DGLUCY: variants seen among roughly 807,000 people sequenced by gnomAD.
DGLUCY encodes the protein D-glutamate cyclase, also known as D-glutamate cyclase, mitochondrial.
A neutral mutation model predicts 58.5 loss-of-function variants in DGLUCY; 58 were observed. The observed-to-expected ratio is 0.99, with a 90% CI of 0.80 to 1.23. The LOEUF is 1.23. Ranked by LOEUF, DGLUCY falls within the 50% of genes most tolerant of loss-of-function variation. The pLI, the probability that DGLUCY is intolerant of heterozygous loss-of-function variation, is 0.00. For synonymous variants in DGLUCY, 325 were observed against 314.1 expected (o/e 1.03, Z -0.37); for missense variants, 779 against 784.7 (o/e 0.99, Z 0.09).
At chr14:91,137,692 G>A (rs1018502000) in intron 1 of DGLUCY, among the ~76,000 whole-genome samples, 4 of 152,088 alleles carry the variant, frequency 2.6e-5, no homozygotes, top group African/African-American at 9.7e-5. Context: ...ACCGTACTTG[G>A]CCTGAGAATT....
chr14:91,156,153 G>T (rs1156624670), intron 1 of DGLUCY, among the ~76,000 whole-genome samples: 1 of 146,232 alleles, frequency 6.8e-6, no homozygotes, highest in Non-Finnish European at 1.5e-5. Context: ...TCGCTCTGTT[G>T]CCCAGACTGG....
In DGLUCY at chr14:91,215,496, C is replaced by CCTGA; in HGVS notation, c.1656_1657insCTGA (p.Gly553LeufsTer21). On this transcript the variant is annotated frameshift_variant, in exon 13 of 14. Coordinates refer to ENST00000256324, the MANE Select transcript of DGLUCY (RefSeq NM_001102368.3). LOFTEE classifies it high-confidence loss of function. ...ACAGTCAGTACCTGAGGAAAGCAGTCGGACCCTCCAGGGCACCTGGAGATC... is the reference window on the plus strand; with the variant it reads ...ACAGTCAGTACCTGAGGAAAGCAGTCCTGAGGACCCTCCAGGGCACCTGGAGATC... 1 of 1,614,216 alleles carries CCTGA rather than the reference C, an allele frequency of 6.2e-7. No homozygotes were observed. The highest frequency in any genetic ancestry group is 8.5e-7 in the Non-Finnish European group (1 of 1,180,034).
intron 13 of DGLUCY, among the ~76,000 whole-genome samples, chr14:91,219,428 G>A (rs1285434399): frequency 2.6e-5 from 4 of 152,206 alleles, no homozygotes; most frequent in East Asian, 3.8e-4. Context: ...AGCTAGAATC[G>A]TCACACTAGA....
At chr14:91,064,517 G>A (rs2043786597) in intron 1 of DGLUCY, among the ~76,000 whole-genome samples, 1 of 151,612 alleles carries the variant, frequency 6.6e-6, no homozygotes, top group African/African-American at 2.4e-5. Context: ...AAGCTACTCG[G>A]GAGGCTGAGG....
intron 9 of DGLUCY, among the ~76,000 whole-genome samples, chr14:91,193,104 G>A (rs1244655023): frequency 6.6e-6 from 1 of 152,168 alleles, no homozygotes; most frequent in East Asian, 1.9e-4. Context: ...GGGTCTCCCT[G>A]TGTTAAGAGG....
intron 1 of DGLUCY, among the ~76,000 whole-genome samples, chr14:91,077,774 A>G (rs1212714352): frequency 1.3e-5 from 2 of 149,124 alleles, no homozygotes; most frequent in African/African-American, 4.9e-5. Flanking sequence ...GAGAGAGAGA[A>G]AGAGAGGAAG....
chr14:91,092,059 C>G (rs1262447442), intron 1 of DGLUCY, among the ~76,000 whole-genome samples: 1 of 152,174 alleles, frequency 6.6e-6, no homozygotes, highest in Non-Finnish European at 1.5e-5. Context: ...CTGCCTCTAC[C>G]TACCTGGAGC....
chr14:91,131,638 C>G (rs1310439001), intron 1 of DGLUCY, among the ~76,000 whole-genome samples: 1 of 152,046 alleles, frequency 6.6e-6, no homozygotes, highest in Non-Finnish European at 1.5e-5. Context: ...ACCACAGGCC[C>G]CGGTGTGTGA....
intron 12 of DGLUCY, among the ~76,000 whole-genome samples, chr14:91,207,060 G>A (rs1264354286): frequency 6.7e-6 from 1 of 149,706 alleles, no homozygotes; most frequent in Non-Finnish European, 1.5e-5. Context: ...TGGGGGGGCT[G>A]AGGTGGGAGG....
intron 1 of DGLUCY, among the ~76,000 whole-genome samples, chr14:91,127,872 G>T (rs907782863): frequency 1.3e-5 from 2 of 151,294 alleles, no homozygotes; most frequent in African/African-American, 4.9e-5. Context: ...TTTTCTCACC[G>T]AGCTTACTGA....
chr14:91,166,388 G>A (rs143808666), intron 3 of DGLUCY, among the ~76,000 whole-genome samples: 1 of 152,194 alleles, frequency 6.6e-6, no homozygotes, highest in Non-Finnish European at 1.5e-5. Context: ...CATTAGGCCA[G>A]TTGCGGTGGC....
At chr14:91,213,619 T>C (rs1190588327) in intron 12 of DGLUCY, among the ~76,000 whole-genome samples, 1 of 152,190 alleles carries the variant, frequency 6.6e-6, no homozygotes, top group Non-Finnish European at 1.5e-5. Flanking sequence ...ATTTTTATCG[T>C]ATGGTCTTTA....
intron 1 of DGLUCY, among the ~76,000 whole-genome samples, chr14:91,140,910 T>A (rs2046629633): frequency 6.6e-6 from 1 of 152,118 alleles, no homozygotes; most frequent in Non-Finnish European, 1.5e-5. Context: ...TTGTTGAGGA[T>A]CAGATGTGAA....
intron 1 of DGLUCY, among the ~76,000 whole-genome samples, chr14:91,139,640 G>A (rs1450226304): frequency 3.9e-5 from 6 of 152,154 alleles, no homozygotes; most frequent in East Asian, 1.9e-4. Context: ...CGCCGAGATC[G>A]TGCCACTGCA....
Position 91,181,249 on chromosome 14 carries a change from AG to A in DGLUCY, c.796del (p.Ala266LeufsTer38). ...GTTATGACTGACCTGAAGGATGCAA[AG>A]GCTCCACCTGGTTGTCTCACCCCAG... is the stretch of plus-strand genomic sequence containing the variant. The part of the protein sequence containing the change: ...CTVMTDLKDA[K>X]APPGCLTPER... On this transcript the variant is annotated frameshift_variant, in exon 8 of 14. Coordinates refer to ENST00000256324, the MANE Select transcript of DGLUCY (RefSeq NM_001102368.3). LOFTEE classifies it high-confidence loss of function. The A allele has an allele frequency of 2.1e-5, 34 of 1,614,146 alleles. No individual in the cohort carries two copies. The highest frequency in any genetic ancestry group is 2.7e-5 in the Non-Finnish European group (32 of 1,180,026).
intron 3 of DGLUCY, among the ~76,000 whole-genome samples, chr14:91,167,023 C>T (rs1228146453): frequency 1.3e-5 from 2 of 151,834 alleles, no homozygotes; most frequent in Non-Finnish European, 2.9e-5. Context: ...CCTGTGATCC[C>T]AGCTACTCGG....
chr14:91,083,349 C>A (rs949764821), intron 1 of DGLUCY, among the ~76,000 whole-genome samples: 2 of 152,102 alleles, frequency 1.3e-5, no homozygotes, highest in Non-Finnish European at 2.9e-5. Flanking sequence ...TGGTGAAACA[C>A]CATTTATACT....
intron 1 of DGLUCY, among the ~76,000 whole-genome samples, chr14:91,116,015 T>A (rs927687170): frequency 6.6e-6 from 1 of 152,220 alleles, no homozygotes; most frequent in Non-Finnish European, 1.5e-5. Flanking sequence ...TTGATAATAA[T>A]GATTCTCGTC....
intron 1 of DGLUCY, among the ~76,000 whole-genome samples, chr14:91,078,584 C>A (rs565647194): frequency 3.9e-4 from 60 of 152,256 alleles, no homozygotes; most frequent in Middle Eastern, 3.4e-3. Flanking sequence ...AAAACACTAG[C>A]GTGACCTCAA....
Sources: allele counts gnomAD v4.1 joint callset (sites outside exome capture counted in the v4.1 genomes callset), GRCh38; gene constraint gnomAD v4.1.1; transcripts MANE v1.5; gene names NCBI Gene and HGNC (gene_info 2026-07-23, HGNC 2026-07-21).